Variants in DAB2IP observed in about 807,000 individuals in gnomAD.
The protein encoded by DAB2IP is DAB2 interacting protein.
DAB2IP carries 28 observed loss-of-function variants against 107.2 expected under a neutral mutation model. The observed-to-expected ratio is 0.26, with a 90% CI of 0.19 to 0.36. The LOEUF is 0.36. Ranked by LOEUF, DAB2IP falls within the 10% of genes least tolerant of loss-of-function variation. The pLI, the probability that DAB2IP is intolerant of heterozygous loss-of-function variation, is 1.00. For synonymous variants in DAB2IP, 755 were observed against 706.4 expected, an observed-to-expected ratio of 1.07 and a Z score of -1.09; for missense variants, 1,400 against 1,644.7, an observed-to-expected ratio of 0.85 and a Z score of 2.57.
At position 121,782,297 on chromosome 9, in the gene DAB2IP, C is replaced by T; in HGVS notation, c.3403-34C>T. On this transcript the variant is annotated intron_variant, in intron 15 of 15. Coordinates refer to ENST00000408936, the Ensembl canonical transcript of DAB2IP. This position sits in a 1 kb window ranked among gnomAD's most constrained non-coding sequence, Gnocchi z 6.1. The stretch of plus-strand genomic sequence containing the variant: ...TATACACAGCCCTAAGGAGCCTGTC[C>T]CATGACCCCCGCTCACATCCCCATT... 1 of 1,603,408 alleles carries T rather than the reference C, an allele frequency of 6.2e-7. No homozygotes were observed. Among genetic ancestry groups the T allele is most frequent in the East Asian group, 2.2e-5 (1 of 44,586 alleles).
At chr9:121,669,801 C>G (rs1833604027) in intron 1 of DAB2IP, among the ~76,000 whole-genome samples, 1 of 152,154 alleles carries the variant, frequency 6.6e-6, no homozygotes, top group East Asian at 1.9e-4. Context: ...TCATCATGGC[C>G]TCAGAGTAAC....
At chr9:121,588,578 G>A (rs1164267017) in intron 1 of DAB2IP, among the ~76,000 whole-genome samples, 1 of 87,880 alleles carries the variant, frequency 1.1e-5, no homozygotes, top group African/African-American at 3.9e-5. Flanking sequence ...AAGGGTGAAG[G>A]GGGAAGGGAA....
chr9:121,634,516 C>T lies in DAB2IP; in HGVS notation c.41-44162C>T, dbSNP rs985868431. 6.6e-5 allele frequency among the ~76,000 whole-genome samples: 10 copies of T among 152,312 alleles called. No individual in the cohort carries two copies. In the South Asian group the frequency reaches 1.7e-3, roughly 25 times the overall value. ...CCCTTGTGCCTAGAAAGCAGCCTCA[C>T]TCCAGCACAAGCCTGGGCAGGTGCA... On this transcript the variant is annotated intron_variant, in intron 1 of 16. Coordinates refer to the DAB2IP transcript ENST00000259371. This position sits in a 1 kb window ranked among gnomAD's most constrained non-coding sequence, Gnocchi z 4.7.
intron 1 of DAB2IP, among the ~76,000 whole-genome samples, chr9:121,573,213 A>G (rs1829989917): frequency 1.3e-5 from 2 of 151,828 alleles, no homozygotes. Flanking sequence ...AGTAGCTGGG[A>G]TTACAGGCAT....
intron 1 of DAB2IP, among the ~76,000 whole-genome samples, chr9:121,641,962 CTCTCTCTCT>C (rs1832326970): frequency 2.8e-5 from 1 of 35,916 alleles, no homozygotes; most frequent in African/African-American, 1.3e-4. Context: ...TTCTTTCTTT[CTCTCTCTCT>C]CTTTCTTTCT....
At chr9:121,613,692 G>A (rs1169653819) in intron 1 of DAB2IP, among the ~76,000 whole-genome samples, 1 of 152,178 alleles carries the variant, frequency 6.6e-6, no homozygotes, top group African/African-American at 2.4e-5. Flanking sequence ...GCAACTTCTC[G>A]CAAACTCGCG....
intron 2 of DAB2IP, among the ~76,000 whole-genome samples, chr9:121,695,933 A>G (rs1220634707): frequency 6.6e-6 from 1 of 152,152 alleles, no homozygotes; most frequent in Non-Finnish European, 1.5e-5. Flanking sequence ...GCAGTGGCCA[A>G]ACTTGGCTCA....
chr9:121,669,223 C>T (rs776047113), intron 1 of DAB2IP, among the ~76,000 whole-genome samples: 6 of 152,088 alleles, frequency 3.9e-5, no homozygotes, highest in African/African-American at 1.4e-4. Flanking sequence ...TGAGCTACCG[C>T]GCCCAGCCAG....
chr9:121,730,116 C>T (rs904466394), intron 3 of DAB2IP, among the ~76,000 whole-genome samples: 1 of 152,196 alleles, frequency 6.6e-6, no homozygotes, highest in Non-Finnish European at 1.5e-5. Context: ...CGCTGCCTCC[C>T]AGCCATGTCC....
chr9:121,585,500 C>T (rs1426409822), intron 1 of DAB2IP, among the ~76,000 whole-genome samples: 1 of 152,130 alleles, frequency 6.6e-6, no homozygotes, highest in Non-Finnish European at 1.5e-5. Context: ...ATTATTTGGA[C>T]TCTATTAATA....
chr9:121,775,004 A>G (rs148558414), intron 13 of DAB2IP, among the ~76,000 whole-genome samples: 6 of 152,072 alleles, frequency 3.9e-5, no homozygotes, highest in African/African-American at 7.2e-5. Flanking sequence ...AAAAGAATCT[A>G]CTCTAAAAAT....
chr9:121,702,958 G>T lies in DAB2IP; in HGVS notation c.362+3500G>T, dbSNP rs901672774. On this transcript the variant is annotated intron_variant, in intron 3 of 15. Coordinates refer to ENST00000408936, the Ensembl canonical transcript of DAB2IP. The surrounding 1 kb of genome is among the most constrained non-coding windows in gnomAD (Gnocchi z 4.5). Reference sequence around the variant, plus strand: ...TCAAGCTCTTCCCAGTCATCCTGGTGCGGAGCTTAGCTCATAAATGCAGGC... The same window carrying T: ...TCAAGCTCTTCCCAGTCATCCTGGTTCGGAGCTTAGCTCATAAATGCAGGC... Among the ~76,000 whole-genome samples the T allele has an allele frequency of 1.3e-5, 2 of 152,188 alleles. No homozygotes were observed. The highest frequency in any genetic ancestry group is 4.8e-5 in the African/African-American group (2 of 41,436).
At chr9:121,749,835 A>G (rs918781046) in intron 3 of DAB2IP, among the ~76,000 whole-genome samples, 1 of 152,210 alleles carries the variant, frequency 6.6e-6, no homozygotes, top group Admixed American at 6.5e-5. Flanking sequence ...TCGTCACGGG[A>G]CAGGAACAGG....
At chr9:121,781,415 C>T (rs2119041509) in intron 14 of DAB2IP, 49 bp from the exon 15 acceptor site, 2 of 1,590,538 alleles carry the variant, frequency 1.3e-6, no homozygotes, top group African/African-American at 1.3e-5. Flanking sequence ...ACCCTCCCCA[C>T]CTCTGCTGCC....
chr9:121,632,656 T>A (rs909918660), intron 1 of DAB2IP, among the ~76,000 whole-genome samples: 3 of 152,152 alleles, frequency 2.0e-5, no homozygotes, highest in Non-Finnish European at 4.4e-5. Flanking sequence ...CAACACCTGG[T>A]GCCGTCTAAC....
exon 11 of DAB2IP, chr9:121,770,661 G>A (rs1452805500): frequency 1.2e-6 from 2 of 1,614,178 alleles, no homozygotes; most frequent in Admixed American, 3.3e-5. Context: ...TCCACACCGG[G>A]CTCTGGCAGC....
chr9:121,732,891 G>A (rs1466594965), intron 3 of DAB2IP, among the ~76,000 whole-genome samples: 1 of 152,168 alleles, frequency 6.6e-6, no homozygotes, highest in Non-Finnish European at 1.5e-5. Flanking sequence ...CCTAGCGCTG[G>A]GCCTGGCACA....
At chr9:121,616,984 A>G (rs890726537) in intron 1 of DAB2IP, among the ~76,000 whole-genome samples, 1 of 152,130 alleles carries the variant, frequency 6.6e-6, no homozygotes, top group African/African-American at 2.4e-5. Flanking sequence ...TGAAGGGTGG[A>G]CCTCAGGGTG....
exon 16 of DAB2IP, chr9:121,783,597 A>G (rs763527445): frequency 1.2e-6 from 2 of 1,607,330 alleles, no homozygotes; most frequent in Admixed American, 3.3e-5. Flanking sequence ...TTTTAAGTTG[A>G]GCGTGCGCAC....
Sources: allele counts gnomAD v4.1 joint callset (sites outside exome capture counted in the v4.1 genomes callset), GRCh38; gene constraint gnomAD v4.1.1; non-coding constraint Gnocchi (gnomAD v3.1); transcripts MANE v1.5; gene names NCBI Gene and HGNC (gene_info 2026-07-23, HGNC 2026-07-21).